Variants in DLC1 observed in about 807,000 individuals in gnomAD.
The protein encoded by DLC1 is DLC1 Rho GTPase activating protein.
A neutral mutation model predicts 140.3 loss-of-function variants in DLC1; 54 were observed. The ratio of observed to expected loss-of-function variants is 0.38; its 90% CI spans 0.31 to 0.48. The LOEUF (loss-of-function observed/expected upper bound fraction) is 0.48. Ranked by LOEUF, DLC1 falls within the 20% of genes least tolerant of loss-of-function variation. The pLI is 0.96. For synonymous variants in DLC1, 986 were observed against 728.1 expected, an observed-to-expected ratio of 1.35 and a Z score of -5.70; for missense variants, 2,536 against 1,907.0, an observed-to-expected ratio of 1.33 and a Z score of -6.14.
At chr8:13,550,858 C>T (rs1011726436) in intron 1 of DLC1, among the ~76,000 whole-genome samples, 1 of 151,940 alleles carries the variant, frequency 6.6e-6, no homozygotes, top group Non-Finnish European at 1.5e-5. Context: ...AGAACAGTAG[C>T]CCTTAATGGT....
intron 5 of DLC1, among the ~76,000 whole-genome samples, chr8:13,285,196 G>C (rs1241736385): frequency 6.6e-6 from 1 of 152,116 alleles, no homozygotes; most frequent in African/African-American, 2.4e-5. Flanking sequence ...TAGACTAATG[G>C]AACAGAACCA....
At chr8:13,174,453 A>G (rs777332652) in intron 5 of DLC1, among the ~76,000 whole-genome samples, 6 of 152,218 alleles carry the variant, frequency 3.9e-5, no homozygotes, top group Non-Finnish European at 8.8e-5. Context: ...CACTTTCTGC[A>G]GTGGCTGAAC....
At chr8:13,167,894 C>T (rs1342362228) in intron 5 of DLC1, among the ~76,000 whole-genome samples, 1 of 152,074 alleles carries the variant, frequency 6.6e-6, no homozygotes, top group African/African-American at 2.4e-5. Flanking sequence ...ATTTTTAGAC[C>T]ACCCAATCAT....
At chr8:13,301,143 C>A (rs1832175467) in intron 5 of DLC1, among the ~76,000 whole-genome samples, 1 of 151,374 alleles carries the variant, frequency 6.6e-6, no homozygotes, top group African/African-American at 2.4e-5. Flanking sequence ...TGGGACACAG[C>A]ATAAACATTT....
At chr8:13,279,466 T>C (rs1831289240) in intron 5 of DLC1, among the ~76,000 whole-genome samples, 1 of 152,230 alleles carries the variant, frequency 6.6e-6, no homozygotes, top group Non-Finnish European at 1.5e-5. Context: ...TTGTTTGTCT[T>C]TTTCAAAGGA....
At position 13,437,457 on chromosome 8, in the gene DLC1, G is replaced by A. The variant is rs143219537; in HGVS notation, c.1024-35838C>T. Among the ~76,000 whole-genome samples the A allele has an allele frequency of 2.0e-3, 310 of 152,254 alleles. 2 individuals carry two copies. Among genetic ancestry groups the A allele is most frequent in the African/African-American group, 6.8e-3 (282 of 41,548 alleles). On this transcript the variant is annotated intron_variant, in intron 2 of 17. Transcript: ENST00000276297. ...TACAGTCAAAACATAGAGTTCGATC[G>A]TATGCATGATGTAAGCCAAGTAAAT...
chr8:13,244,158 G>C (rs868859145), intron 5 of DLC1, among the ~76,000 whole-genome samples: 1 of 152,050 alleles, frequency 6.6e-6, no homozygotes, highest in Admixed American at 6.6e-5. Context: ...CTACTGTTTA[G>C]CTATACTTCC....
intron 5 of DLC1, among the ~76,000 whole-genome samples, chr8:13,139,294 A>AAAAAAAAAAAAAAAAAAAAAAAAAG (rs1822802454): frequency 8.7e-6 from 1 of 114,514 alleles, no homozygotes; most frequent in Non-Finnish European, 1.9e-5. Flanking sequence ...GTCTCAAAAA[A>AAAAAAAAAAAAAAAAAAAAAAAAAG]AAAAAAAAAA....
intron 6 of DLC1, among the ~76,000 whole-genome samples, chr8:13,115,116 C>G (rs1325739611): frequency 2.0e-5 from 3 of 152,110 alleles, no homozygotes; most frequent in Admixed American, 6.5e-5. Flanking sequence ...ACAGTGGTTT[C>G]TTGTGTAATA....
Position 13,499,504 on chromosome 8 carries a change from T to C in DLC1, c.568A>G (p.Ser190Gly). Reference sequence around the variant, plus strand: ...CTTATTTCATTGCAAAGCTCCAGGCTTTTACTTATAGAGTCAGTAACTTTT... The same window carrying C: ...CTTATTTCATTGCAAAGCTCCAGGCCTTTACTTATAGAGTCAGTAACTTTT... Reference protein sequence around the residue: ...ERKVTDSISKSLELCNEISLS... With the variant: ...ERKVTDSISKGLELCNEISLS... Residue 190 changes from serine (S) to glycine (G), a missense_variant, in exon 2 of 18, where the codon AGC (serine) becomes GGC (glycine). Ser to Gly is a moderately conservative substitution (Grantham distance 56). Transcript: ENST00000276297. 1 of 1,614,168 alleles carries C rather than the reference T, an allele frequency of 6.2e-7. No individual in the cohort carries two copies. Among genetic ancestry groups the C allele is most frequent in the Non-Finnish European group, 8.5e-7 (1 of 1,180,020 alleles).
chr8:13,408,805 T>A (rs902923238), intron 2 of DLC1, among the ~76,000 whole-genome samples: 1 of 152,172 alleles, frequency 6.6e-6, no homozygotes, highest in Non-Finnish European at 1.5e-5. Flanking sequence ...TATTTTTATT[T>A]TTTACAATAC....
intron 2 of DLC1, among the ~76,000 whole-genome samples, chr8:13,413,255 G>GGTTTTTTTTTTTTTTTTTT (rs1461897724): frequency 3.3e-5 from 1 of 30,140 alleles, no homozygotes; most frequent in African/African-American, 7.8e-5. Flanking sequence ...ATTTTTTTGC[G>GGTTTTTTTTTTTTTTTTTT]ATTTTTTTTT....
intron 5 of DLC1, among the ~76,000 whole-genome samples, chr8:13,258,284 C>T (rs891766599): frequency 1.1e-4 from 16 of 152,128 alleles, no homozygotes; most frequent in Non-Finnish European, 1.8e-4. Flanking sequence ...AAGGAAACTG[C>T]GGCTTTACTC....
At chr8:13,138,471 A>G (rs1299929185) in intron 5 of DLC1, among the ~76,000 whole-genome samples, 1 of 152,220 alleles carries the variant, frequency 6.6e-6, no homozygotes, top group Admixed American at 6.5e-5. Context: ...GAGCCAGGCA[A>G]TCTCTTTGGA....
At chr8:13,540,984 A>T (rs116256054) in intron 1 of DLC1, among the ~76,000 whole-genome samples, 1,554 of 152,332 alleles carry the variant, frequency 0.01, 27 homozygotes, top group African/African-American at 0.035. Flanking sequence ...GATATTCTAC[A>T]CTACTTTGCT....
chr8:13,201,218 T>A (rs1337814175), intron 5 of DLC1, among the ~76,000 whole-genome samples: 2 of 152,114 alleles, frequency 1.3e-5, no homozygotes, highest in Non-Finnish European at 2.9e-5. Context: ...GAGTTGCATT[T>A]TCAGTGTTCA....
intron 5 of DLC1, among the ~76,000 whole-genome samples, chr8:13,206,794 G>T (rs111237040): frequency 1.3e-3 from 190 of 151,938 alleles, no homozygotes; most frequent in African/African-American, 4.2e-3. Context: ...AACACCATTT[G>T]TTACCATACA....
At chr8:13,348,117 A>C (rs969775519) in intron 4 of DLC1, among the ~76,000 whole-genome samples, 2 of 151,676 alleles carry the variant, frequency 1.3e-5, no homozygotes, top group African/African-American at 2.4e-5. Flanking sequence ...AAATAAACAA[A>C]CAAACTTCCT....
At chr8:13,165,627 T>G (rs1237750666) in intron 5 of DLC1, among the ~76,000 whole-genome samples, 2 of 152,210 alleles carry the variant, frequency 1.3e-5, no homozygotes, top group Non-Finnish European at 2.9e-5. Context: ...ATCCCTGAAA[T>G]CTTAAACAGC....
Sources: gnomAD v4.1 joint callset for allele counts (sites outside exome capture counted in the v4.1 genomes callset) on GRCh38, gnomAD v4.1.1 for gene constraint, MANE v1.5 for transcripts, NCBI Gene and HGNC (gene_info 2026-07-23, HGNC 2026-07-21) for gene names.